The following SLC14A2 variants were observed in gnomAD, a reference collection of about 807,000 sequenced individuals.
SLC14A2 encodes urea transporter 2.
SLC14A2 carries 91 observed loss-of-function variants against 104.6 expected under a neutral mutation model. The ratio of observed to expected loss-of-function variants is 0.87; its 90% CI spans 0.73 to 1.04. SLC14A2 has a LOEUF of 1.04. Among genes scored for constraint, SLC14A2 ranks in the 50% least tolerant of loss-of-function variants. The pLI, the probability that SLC14A2 is intolerant of heterozygous loss-of-function variation, is 0.00. For missense variants in SLC14A2, 1,189 were observed against 1,156.0 expected (o/e 1.03, Z -0.41); for synonymous variants, 476 against 466.4 (o/e 1.02, Z -0.27).
At chr18:45,634,596 G>A (rs768000973) in intron 5 of SLC14A2, among the ~76,000 whole-genome samples, 10 of 152,222 alleles carry the variant, frequency 6.6e-5, no homozygotes, top group Non-Finnish European at 1.3e-4. Flanking sequence ...GAAGTGTGAT[G>A]TATTCTAAGA....
chr18:45,619,388 G>A (rs1404525090), intron 1 of SLC14A2, among the ~76,000 whole-genome samples: 1 of 152,230 alleles, frequency 6.6e-6, no homozygotes, highest in Non-Finnish European at 1.5e-5. Context: ...GGCAAGGACT[G>A]GGCCTTCCAG....
intron 1 of SLC14A2, among the ~76,000 whole-genome samples, chr18:45,371,026 G>A (rs1272610367): frequency 6.6e-6 from 1 of 152,114 alleles, no homozygotes; most frequent in African/African-American, 2.4e-5. Context: ...CCAGAGAGGC[G>A]GGCTGATGGA....
At chr18:45,198,306 GAAC>G in the SLC14A2 span, among the ~76,000 whole-genome samples, 4 of 151,938 alleles carry the variant, frequency 2.6e-5, no homozygotes, top group African/African-American at 9.7e-5. Flanking sequence ...CACAAATCAT[GAAC>G]ACATAGATAA....
At chr18:45,258,373 A>G (rs2084502010) in intron 1 of SLC14A2, among the ~76,000 whole-genome samples, 1 of 142,468 alleles carries the variant, frequency 7.0e-6, no homozygotes, top group Non-Finnish European at 1.5e-5. Flanking sequence ...CAGTGAAAAC[A>G]TTACCAGTAT....
chr18:45,358,843 G>A (rs1217425493), intron 1 of SLC14A2, among the ~76,000 whole-genome samples: 2 of 151,954 alleles, frequency 1.3e-5, no homozygotes, highest in African/African-American at 2.4e-5. Context: ...CCCACAAAGT[G>A]CTGGGATTAC....
At chr18:45,412,985 G>C (rs986185232) in intron 1 of SLC14A2, among the ~76,000 whole-genome samples, 10 of 152,166 alleles carry the variant, frequency 6.6e-5, no homozygotes, top group Admixed American at 1.3e-4. Context: ...TGTTTTCAAA[G>C]AATCTGGTTT....
chr18:45,242,422 G>A (rs889159745), intron 1 of SLC14A2, among the ~76,000 whole-genome samples: 3 of 152,184 alleles, frequency 2.0e-5, no homozygotes, highest in Non-Finnish European at 4.4e-5. Context: ...AAACTAGAGG[G>A]AAAACTCGAT....
intron 1 of SLC14A2, chr18:45,435,243 C>T (rs762029815): frequency 6.6e-6 from 1 of 152,162 alleles, no homozygotes; most frequent in Non-Finnish European, 1.5e-5. Flanking sequence ...GGAGATGAAG[C>T]TGATTCTTCA....
chr18:45,390,061 G>A (rs1417418288), intron 1 of SLC14A2, among the ~76,000 whole-genome samples: 1 of 152,150 alleles, frequency 6.6e-6, no homozygotes, highest in Non-Finnish European at 1.5e-5. Context: ...TTGGTATTTG[G>A]GGGAGAATTT....
At chr18:45,631,995 C>T (rs1261458662) in intron 4 of SLC14A2, among the ~76,000 whole-genome samples, 1 of 152,206 alleles carries the variant, frequency 6.6e-6, no homozygotes, top group East Asian at 1.9e-4. Context: ...CACTCCCACA[C>T]ACAACTTCCT....
chr18:45,467,941 C>G (rs560310538), intron 1 of SLC14A2, among the ~76,000 whole-genome samples: 2 of 152,082 alleles, frequency 1.3e-5, no homozygotes, highest in African/African-American at 2.4e-5. Flanking sequence ...AAATGAGGTA[C>G]AGGCAAGTTC....
In SLC14A2 at chr18:45,481,924, A is replaced by C. The variant is rs1387889821; in HGVS notation, c.-124-1309A>C. 5.3e-5 allele frequency among the ~76,000 whole-genome samples: 8 copies of C among 152,272 alleles called. No homozygotes were observed. The East Asian group carries it at 1.5e-3, about 29-fold the overall frequency. On this transcript the variant is annotated intron_variant, in intron 1 of 20. Coordinates refer to the SLC14A2 transcript ENST00000586448. ...CTCATAGTTTTCAAGATTCAACCTT[A>C]GTTTTCTTTCCTGGGTTCTTGTTTG...
At chr18:45,418,079 C>T (rs2086297711) in intron 1 of SLC14A2, among the ~76,000 whole-genome samples, 1 of 152,132 alleles carries the variant, frequency 6.6e-6, no homozygotes, top group African/African-American at 2.4e-5. Flanking sequence ...CTTTTTGTTG[C>T]TTTTCCTTTG....
At chr18:45,659,971 A>AG (rs2045910022) in intron 10 of SLC14A2, among the ~76,000 whole-genome samples, 1 of 151,432 alleles carries the variant, frequency 6.6e-6, no homozygotes, top group South Asian at 2.1e-4. Flanking sequence ...CAAAAAAAAA[A>AG]AAAAAAGAAA....
chr18:45,669,223 C>G, intron 15 of SLC14A2, 83 bp from the exon 16 acceptor site: 1 of 1,164,318 alleles, frequency 8.6e-7, no homozygotes, highest in Non-Finnish European at 1.2e-6. Flanking sequence ...TCTAGGAAGG[C>G]ACAGGGAGCC....
At chr18:45,634,052 C>A (rs1599093097) in intron 5 of SLC14A2, among the ~76,000 whole-genome samples, 1 of 152,128 alleles carries the variant, frequency 6.6e-6, no homozygotes, top group African/African-American at 2.4e-5. Context: ...CACTGGCTGG[C>A]AATTAGACTT....
chr18:45,368,588 A>C (rs1410572362), intron 1 of SLC14A2, among the ~76,000 whole-genome samples: 4 of 152,202 alleles, frequency 2.6e-5, no homozygotes, highest in Non-Finnish European at 4.4e-5. Flanking sequence ...CAGATTTATC[A>C]TCTCTGTTTA....
intron 1 of SLC14A2, among the ~76,000 whole-genome samples, chr18:45,268,964 T>TTGTGTGTGTCTGTGTGTG (rs1555670630): frequency 3.5e-5 from 5 of 143,466 alleles, no homozygotes; most frequent in Non-Finnish European, 1.5e-5. Context: ...GTTGGTGTGT[T>TTGTGTGTGTCTGTGTGTG]TGTGTGTGTG....
chr18:45,516,843 G>C (rs2043448585), intron 2 of SLC14A2, among the ~76,000 whole-genome samples: 1 of 152,190 alleles, frequency 6.6e-6, no homozygotes, highest in Non-Finnish European at 1.5e-5. Context: ...AGTTAGTGTT[G>C]GGGGCACCAG....
Sources: allele counts gnomAD v4.1 joint callset (sites outside exome capture counted in the v4.1 genomes callset), GRCh38; gene constraint gnomAD v4.1.1; transcripts MANE v1.5; gene names NCBI Gene and HGNC (gene_info 2026-07-23, HGNC 2026-07-21).